Variants in CLASP2 observed in about 807,000 individuals in gnomAD.
CLASP2 encodes CLIP-associating protein 2.
In CLASP2, 47 loss-of-function variants were observed where a neutral mutation model predicts 194.4. That is an observed-to-expected ratio of 0.24 (90% CI 0.19 to 0.31). The LOEUF is 0.31. Among genes scored for constraint, CLASP2 ranks in the 10% least tolerant of loss-of-function variants. The pLI, the probability that CLASP2 is intolerant of heterozygous loss-of-function variation, is 1.00. For synonymous variants in CLASP2, 619 were observed against 633.5 expected (o/e 0.98, Z 0.34); for missense variants, 1,445 against 1,823.6 (o/e 0.79, Z 3.78).
chr3:33,657,700 T>C (rs2084529789), intron 7 of CLASP2, among the ~76,000 whole-genome samples: 1 of 152,102 alleles, frequency 6.6e-6, no homozygotes, highest in Non-Finnish European at 1.5e-5. Flanking sequence ...TATTTTCTCA[T>C]TTATTTCCAT....
At chr3:33,633,615 T>C (rs2079529452) in intron 8 of CLASP2, among the ~76,000 whole-genome samples, 1 of 152,018 alleles carries the variant, frequency 6.6e-6, no homozygotes, top group South Asian at 2.1e-4. Flanking sequence ...TGTGAATATA[T>C]ATGTTTAAAG....
At position 33,689,899 on chromosome 3, in the gene CLASP2, G is replaced by A. The variant is rs896150764; in HGVS notation, c.308C>T (p.Ala103Val). The A allele has an allele frequency of 1.1e-5, 18 of 1,597,494 alleles. No individual in the cohort carries two copies. The highest frequency in any genetic ancestry group is 2.3e-5 in the East Asian group (1 of 44,354). ...AGCTTCATCTCGAACCTTGTCTTTG[G>A]CATCTCCCATTCTGTCTATTAAAGC... ...IVALIDRMGD[A>V]KDKVRDEAQT... is the part of the protein sequence containing the mutation. The change falls in exon 3 of 39, where the codon GCC becomes GTC. Residue 103 changes from alanine to valine, a missense_variant. Around this residue, in one of 4 missense-constraint regions of CLASP2, gnomAD observed 332 missense variants for 325.3 expected, o/e 1.02. Coordinates refer to ENST00000682230, the MANE Select transcript of CLASP2 (RefSeq NM_001365631.1).
At chr3:33,616,057 A>G (rs567035977) in intron 12 of CLASP2, among the ~76,000 whole-genome samples, 1 of 152,190 alleles carries the variant, frequency 6.6e-6, no homozygotes, top group East Asian at 1.9e-4. Context: ...AATAGAAACT[A>G]AAGAATTAGA....
At chr3:33,694,000 A>G (rs1407079654) in intron 2 of CLASP2, among the ~76,000 whole-genome samples, 3 of 152,136 alleles carry the variant, frequency 2.0e-5, no homozygotes, top group Non-Finnish European at 2.9e-5. Flanking sequence ...GAAAAATTCA[A>G]TGTGGGGTGA....
intron 7 of CLASP2, among the ~76,000 whole-genome samples, chr3:33,663,146 G>A (rs1198340997): frequency 7.5e-6 from 1 of 133,910 alleles, no homozygotes; most frequent in Non-Finnish European, 1.5e-5. Context: ...TGGAGGGCAA[G>A]AAGGTCATCA....
chr3:33,610,193 T>A (rs537902279), intron 13 of CLASP2, among the ~76,000 whole-genome samples: 7 of 152,326 alleles, frequency 4.6e-5, no homozygotes, highest in African/African-American at 7.2e-5. Flanking sequence ...CTCAATCACT[T>A]TCATAGCTGG....
intron 1 of CLASP2, among the ~76,000 whole-genome samples, chr3:33,698,585 T>C (rs1318843486): frequency 6.6e-6 from 1 of 151,884 alleles, no homozygotes; most frequent in Non-Finnish European, 1.5e-5. Flanking sequence ...AAGTGCAGAG[T>C]TGAGTAGAAA....
Position 33,517,077 on chromosome 3 carries a change from T to C in CLASP2, c.3885A>G (p.Glu1295=). The C allele has an allele frequency of 6.2e-7, 1 of 1,613,756 alleles. No individual in the cohort carries two copies. Residue 1295 remains glutamate, a synonymous_variant, in exon 35 of 39, where the codon GAA becomes GAG. Coordinates refer to ENST00000682230, the MANE Select transcript of CLASP2 (RefSeq NM_001365631.1). The stretch of plus-strand genomic sequence containing the variant: ...ATTCTTCCTGTGTCAGTTTCATAAG[T>C]TCATAGAGGGCAATTTTTCTTTCTT... ...RVEERKIALY[E]LMKLTQEESF...
At chr3:33,666,279 TG>T (rs1171007106) in intron 6 of CLASP2, among the ~76,000 whole-genome samples, 1 of 152,194 alleles carries the variant, frequency 6.6e-6, no homozygotes, top group Non-Finnish European at 1.5e-5. Flanking sequence ...TGCAGAGTTG[TG>T]CAACCAAATA....
At chr3:33,688,029 T>C (rs1235262774) in intron 4 of CLASP2, among the ~76,000 whole-genome samples, 2 of 152,234 alleles carry the variant, frequency 1.3e-5, no homozygotes, top group African/African-American at 4.8e-5. Flanking sequence ...CATGACCATC[T>C]GTTTTGGGTG....
intron 26 of CLASP2, among the ~76,000 whole-genome samples, chr3:33,567,209 A>G (rs2062905062): frequency 6.6e-6 from 1 of 152,220 alleles, no homozygotes; most frequent in African/African-American, 2.4e-5. Context: ...TGAAGGCTTG[A>G]AACAATAACT....
At chr3:33,520,897 G>A (rs1559838189) in intron 34 of CLASP2, among the ~76,000 whole-genome samples, 3 of 150,602 alleles carry the variant, frequency 2.0e-5, no homozygotes. Context: ...GGTCTGGGGA[G>A]CAGTGACATA....
intron 21 of CLASP2, among the ~76,000 whole-genome samples, chr3:33,589,941 T>C (rs192109235): frequency 6.6e-6 from 1 of 152,308 alleles, no homozygotes; most frequent in Admixed American, 6.5e-5. Context: ...GTTATCTTTA[T>C]GCTTCAATTT....
chr3:33,600,922 C>G (rs1043197991), intron 18 of CLASP2, among the ~76,000 whole-genome samples: 12 of 147,998 alleles, frequency 8.1e-5, no homozygotes, highest in Admixed American at 2.7e-4. Flanking sequence ...AGTGTCCCAT[C>G]ACTAATTCAC....
At chr3:33,688,122 A>G (rs1205376636) in intron 4 of CLASP2, among the ~76,000 whole-genome samples, 155 bp downstream of exon 4, 2 of 152,260 alleles carry the variant, frequency 1.3e-5, no homozygotes, top group Non-Finnish European at 2.9e-5. Context: ...AAGATAACAT[A>G]CACAAAAAAT....
chr3:33,666,547 T>C (rs1473269028), intron 6 of CLASP2, among the ~76,000 whole-genome samples: 1 of 152,252 alleles, frequency 6.6e-6, no homozygotes, highest in Non-Finnish European at 1.5e-5. Flanking sequence ...ATCCCTGTTG[T>C]GACCAAATAA....
chr3:33,563,453 A>G (rs1452030069), intron 27 of CLASP2, among the ~76,000 whole-genome samples: 1 of 152,192 alleles, frequency 6.6e-6, no homozygotes, highest in Non-Finnish European at 1.5e-5. Flanking sequence ...GGCACCAAGC[A>G]TTTCTGACCT....
intron 2 of CLASP2, 44 bp downstream of exon 2, chr3:33,696,810 AT>A (rs1559667944): frequency 8.2e-7 from 1 of 1,219,910 alleles, no homozygotes; most frequent in East Asian, 2.5e-5. Flanking sequence ...AAAAGTCATC[AT>A]GTCAAATCTT....
At chr3:33,655,007 C>T (rs1461675113) in intron 7 of CLASP2, among the ~76,000 whole-genome samples, 1 of 151,996 alleles carries the variant, frequency 6.6e-6, no homozygotes, top group African/African-American at 2.4e-5. Flanking sequence ...CAATTTAAAC[C>T]ATTATTTGGT....
Sources: allele counts gnomAD v4.1 joint callset (sites outside exome capture counted in the v4.1 genomes callset), GRCh38; gene constraint gnomAD v4.1.1; regional missense constraint gnomAD v4.1.1; transcripts MANE v1.5; gene names NCBI Gene and HGNC (gene_info 2026-07-23, HGNC 2026-07-21).